COL4A1: variants seen among roughly 807,000 people sequenced by gnomAD.
The protein encoded by COL4A1 is collagen type IV alpha 1 chain, also known as collagen alpha-1(IV) chain.
In COL4A1, 40 loss-of-function variants were observed where a neutral mutation model predicts 216.6. That is an observed-to-expected ratio of 0.18 (90% CI 0.14 to 0.24). COL4A1 has a LOEUF of 0.24. COL4A1 is among the 10% of genes least tolerant of loss of function. The pLI is 1.00. For synonymous variants in COL4A1, 839 were observed against 810.7 expected (o/e 1.03, Z -0.59); for missense variants, 1,628 against 2,196.8 (o/e 0.74, Z 5.18).
At chr13:110,180,805 G>T (rs746702224) in intron 29 of COL4A1, among the ~76,000 whole-genome samples, 2 of 152,196 alleles carry the variant, frequency 1.3e-5, no homozygotes, top group East Asian at 1.9e-4. Flanking sequence ...GTGGAAGGGG[G>T]ATGCTCTTTT....
chr13:110,291,950 A>G (rs184466135), intron 1 of COL4A1, among the ~76,000 whole-genome samples: 2 of 152,312 alleles, frequency 1.3e-5, no homozygotes, highest in East Asian at 3.9e-4. Flanking sequence ...GGCATGGAGA[A>G]AGAAACCAAA....
At chr13:110,283,105 T>C (rs1461968078) in intron 1 of COL4A1, among the ~76,000 whole-genome samples, 1 of 152,198 alleles carries the variant, frequency 6.6e-6, no homozygotes, top group East Asian at 1.9e-4. Context: ...CTCCTTACCA[T>C]GTTTTATTTA....
chr13:110,234,647 AC>A (rs1881223747), intron 2 of COL4A1, among the ~76,000 whole-genome samples: 1 of 152,140 alleles, frequency 6.6e-6, no homozygotes, highest in Non-Finnish European at 1.5e-5. Context: ...ATGACGCAGC[AC>A]CCACGGAAGG....
At chr13:110,163,780 C>T (rs1877196696) in intron 46 of COL4A1, among the ~76,000 whole-genome samples, 1 of 152,000 alleles carries the variant, frequency 6.6e-6, no homozygotes, top group Non-Finnish European at 1.5e-5. Flanking sequence ...TGTTTGGGCA[C>T]CTCGTTCTGA....
Position 110,207,473 on chromosome 13 carries a change from C to T in COL4A1, c.710G>A (p.Ser237Asn). The change falls in exon 13 of 52, where the codon AGT becomes AAT. Residue 237 changes from serine (S) to asparagine (N), a missense_variant. Transcript: ENST00000375820. This position sits in a 1 kb window ranked among gnomAD's most constrained non-coding sequence, Gnocchi z 4.4. ...PKGDKGDQGVSGPPGVPGQAQ... is the reference protein window; with the variant it reads ...PKGDKGDQGVNGPPGVPGQAQ... ...TTGTCCTGGTACTCCTGGAGGCCCA[C>T]TGACCCCTTGGTCACCCTGTCGACA... 1.2e-6 allele frequency: 2 copies of T among 1,614,116 alleles called. No homozygotes were observed. Among genetic ancestry groups the T allele is most frequent in the South Asian group, 2.2e-5 (2 of 91,076 alleles).
rs1198543947 is a variant in COL4A1, at chr13:110,174,021, G to C, written c.3407-23C>G. On this transcript the variant is annotated intron_variant, in intron 39 of 51. Coordinates refer to ENST00000375820, the MANE Select transcript of COL4A1 (RefSeq NM_001845.6). ...GACCTCAAAGAGAAAAGTCACATCAGACACCCGCATAACCTCTCACAGCAC... is the reference window on the plus strand; with the variant it reads ...GACCTCAAAGAGAAAAGTCACATCACACACCCGCATAACCTCTCACAGCAC... The C allele has an allele frequency of 3.7e-6, 6 of 1,612,932 alleles. No individual in the cohort carries two copies. The Admixed American group carries it at 1.0e-4, about 27-fold the overall frequency.
intron 2 of COL4A1, among the ~76,000 whole-genome samples, chr13:110,236,988 G>A (rs557677030): frequency 5.3e-5 from 8 of 152,216 alleles, no homozygotes; most frequent in Admixed American, 3.9e-4. Context: ...TTGTTGAACC[G>A]GGCTGGAGGC....
intron 26 of COL4A1, among the ~76,000 whole-genome samples, chr13:110,184,913 G>A (rs1878335286): frequency 1.3e-5 from 2 of 151,996 alleles, no homozygotes; most frequent in African/African-American, 4.8e-5. Context: ...CAGGTGATCT[G>A]CCCACCTTGG....
chr13:110,182,520 G>T (rs1289740167), intron 28 of COL4A1, among the ~76,000 whole-genome samples: 2 of 152,170 alleles, frequency 1.3e-5, no homozygotes, highest in African/African-American at 2.4e-5. Context: ...AAAGCAGGGG[G>T]AAAAGAAATT....
At chr13:110,166,387 A>T in intron 44 of COL4A1, 84 bp from the exon 45 acceptor site, 1 of 867,256 alleles carries the variant, frequency 1.2e-6, no homozygotes. Context: ...TCTCTAGTGC[A>T]CACACATACA....
intron 28 of COL4A1, among the ~76,000 whole-genome samples, chr13:110,181,899 G>T (rs1594555784): frequency 6.6e-6 from 1 of 152,188 alleles, no homozygotes; most frequent in South Asian, 2.1e-4. Context: ...TATGAAGCTG[G>T]CCAGCCACTA....
intron 1 of COL4A1, among the ~76,000 whole-genome samples, chr13:110,244,884 A>T (rs1035886938): frequency 2.0e-5 from 3 of 152,178 alleles, no homozygotes; most frequent in Non-Finnish European, 4.4e-5. Flanking sequence ...ACACATTATC[A>T]ATTGTTAGAT....
At chr13:110,174,798 G>C (rs755626966) in intron 37 of COL4A1, 49 bp from the exon 38 acceptor site, 3 of 1,528,418 alleles carry the variant, frequency 2.0e-6, no homozygotes, top group Non-Finnish European at 2.7e-6. Context: ...CCATGGGCAT[G>C]CATCTGTAGG....
intron 22 of COL4A1, among the ~76,000 whole-genome samples, chr13:110,193,114 G>A (rs1396414647): frequency 6.6e-6 from 1 of 152,238 alleles, no homozygotes; most frequent in Non-Finnish European, 1.5e-5. Context: ...GTCTGTCAAT[G>A]AACGGGCCCA....
chr13:110,300,455 T>C (rs1884449917), intron 1 of COL4A1, among the ~76,000 whole-genome samples: 1 of 152,256 alleles, frequency 6.6e-6, no homozygotes, highest in South Asian at 2.1e-4. Context: ...AGGAATATCC[T>C]TGTTTTCTAA....
At position 110,181,254 on chromosome 13, in the gene COL4A1, G is replaced by C. The variant is rs368430200; in HGVS notation, c.2193+38C>G. 1.7e-3 allele frequency: 2,685 copies of C among 1,584,848 alleles called. 1 individual carries two copies. The highest frequency in any genetic ancestry group is 2.2e-3 in the Non-Finnish European group (2,483 of 1,153,444). ...TTTCCATCCAACTAATAACAAGGAT[G>C]GGGGAGAAGGGTCATGGAGGGAATG... On this transcript the variant is annotated intron_variant, in intron 29 of 51. Coordinates refer to ENST00000375820, the MANE Select transcript of COL4A1 (RefSeq NM_001845.6).
intron 33 of COL4A1, 39 bp from the exon 34 acceptor site, chr13:110,177,076 G>A: frequency 6.2e-7 from 1 of 1,610,704 alleles, no homozygotes; most frequent in Non-Finnish European, 8.5e-7. Context: ...GCCTGGGCCA[G>A]TGTCACAGAG....
intron 1 of COL4A1, among the ~76,000 whole-genome samples, chr13:110,253,599 G>GTATGTATTACATATGCATATAATTATACA (rs1882340455): frequency 7.3e-6 from 1 of 137,000 alleles, no homozygotes; most frequent in Non-Finnish European, 1.5e-5. Flanking sequence ...ATAATTATAC[G>GTATGTATTACATATGCATATAATTATACA]TATGTATGTA....
At position 110,176,123 on chromosome 13, in the gene COL4A1, C is replaced by G. The variant is rs1231517434; in HGVS notation, c.3058+301G>C. Among the ~76,000 whole-genome samples, 2 of 152,212 alleles carry G rather than the reference C, an allele frequency of 1.3e-5. 1 individual carries two copies. The highest frequency in any genetic ancestry group is 4.1e-4 in the South Asian group (2 of 4,830). On this transcript the variant is annotated intron_variant, in intron 36 of 51. Coordinates refer to ENST00000375820, the MANE Select transcript of COL4A1 (RefSeq NM_001845.6). ...TGACAAGCCTGGATGGAGAAGCCGT[C>G]GTCTCTTAGGGAGATCCTAGACAAG...
Sources: gnomAD v4.1 joint callset for allele counts (sites outside exome capture counted in the v4.1 genomes callset) on GRCh38, gnomAD v4.1.1 for gene constraint, Gnocchi (gnomAD v3.1) non-coding constraint, MANE v1.5 for transcripts, NCBI Gene and HGNC (gene_info 2026-07-23, HGNC 2026-07-21) for gene names.